ADGRD1: variants seen among roughly 807,000 people sequenced by gnomAD.
The protein encoded by ADGRD1 is adhesion G protein-coupled receptor D1, also known as G-protein coupled receptor 133.
ADGRD1 carries 77 observed loss-of-function variants against 113.4 expected under a neutral mutation model. That is an observed-to-expected ratio of 0.68 (90% CI 0.57 to 0.82). The LOEUF (loss-of-function observed/expected upper bound fraction) is 0.82. ADGRD1 is among the 40% of genes least tolerant of loss of function. The probability of loss-of-function intolerance (pLI) is 0.00; values close to 1 mark genes in which losing one functional copy is unlikely to be tolerated. For missense variants in ADGRD1, 1,036 were observed against 1,139.1 expected (o/e 0.91, Z 1.30); for synonymous variants, 474 against 475.0 (o/e 1.00, Z 0.03).
At chr12:131,018,997 C>T (rs981870185) in intron 13 of ADGRD1, among the ~76,000 whole-genome samples, 43 of 152,218 alleles carry the variant, frequency 2.8e-4, no homozygotes, top group Admixed American at 8.5e-4. Flanking sequence ...ACTCGTAGGC[C>T]TCCGGTTCAG....
chr12:130,980,023 C>T (rs192965217), intron 4 of ADGRD1, among the ~76,000 whole-genome samples: 22 of 152,274 alleles, frequency 1.4e-4, no homozygotes, highest in Non-Finnish European at 1.5e-4. Context: ...GCAGAGAGCC[C>T]GGCCCCCAGA....
At chr12:130,978,895 C>T (rs1872639157) in intron 4 of ADGRD1, 1 of 152,116 alleles carries the variant, frequency 6.6e-6, no homozygotes, top group Non-Finnish European at 1.5e-5. Flanking sequence ...CCTTGTGAAA[C>T]GGGTTGTTTC....
At chr12:131,078,269 T>C (rs1885803163) in intron 14 of ADGRD1, among the ~76,000 whole-genome samples, 1 of 152,202 alleles carries the variant, frequency 6.6e-6, no homozygotes, top group Non-Finnish European at 1.5e-5. Flanking sequence ...GCGAGGAAAG[T>C]GCAGCCCAGC....
intron 13 of ADGRD1, among the ~76,000 whole-genome samples, chr12:131,073,628 G>A (rs1406703564): frequency 2.0e-5 from 3 of 152,178 alleles, no homozygotes; most frequent in South Asian, 4.1e-4. Flanking sequence ...TAGAATATCT[G>A]AGACTGGGTA....
chr12:131,047,345 C>A (rs193041128), intron 13 of ADGRD1, among the ~76,000 whole-genome samples: 1 of 152,192 alleles, frequency 6.6e-6, no homozygotes, highest in East Asian at 1.9e-4. Flanking sequence ...GAGACTGCTC[C>A]GGTGTCCTCC....
intron 14 of ADGRD1, among the ~76,000 whole-genome samples, chr12:131,083,004 C>T (rs376282433): frequency 1.4e-3 from 215 of 152,350 alleles, no homozygotes; most frequent in African/African-American, 4.6e-3. Context: ...GCAGGGTTAC[C>T]GTTGCCCGAG....
chr12:130,985,523 A>T (rs1873545476), intron 5 of ADGRD1, among the ~76,000 whole-genome samples: 1 of 150,852 alleles, frequency 6.6e-6, no homozygotes, highest in Non-Finnish European at 1.5e-5. Context: ...GTCCATTTTG[A>T]ATTAATTTTT....
At chr12:131,000,829 T>C (rs1030851016) in intron 9 of ADGRD1, among the ~76,000 whole-genome samples, 3 of 151,984 alleles carry the variant, frequency 2.0e-5, no homozygotes, top group Admixed American at 6.5e-5. Context: ...CATTTTGTCT[T>C]CCTAGAAGTG....
At chr12:131,028,450 G>A (rs1191403823) in intron 13 of ADGRD1, among the ~76,000 whole-genome samples, 1 of 152,100 alleles carries the variant, frequency 6.6e-6, no homozygotes, top group Admixed American at 6.6e-5. Context: ...CAACGTCAGT[G>A]CAGTCCGGTT....
At chr12:130,974,094 G>A (rs1318353414) in intron 4 of ADGRD1, among the ~76,000 whole-genome samples, 2 of 152,318 alleles carry the variant, frequency 1.3e-5, no homozygotes, top group African/African-American at 4.8e-5. Flanking sequence ...ACCGGGCCAT[G>A]AGCCTGTGCG....
In ADGRD1 at chr12:131,041,175, C is replaced by T. The variant is rs564006492; in HGVS notation, c.1473+26835C>T. ...AGGGACTTCACTGAGCACAGAAAATCGGGGGTCTTGGTGCTGGCCACTGGC... is the reference window on the plus strand; with the variant it reads ...AGGGACTTCACTGAGCACAGAAAATTGGGGGTCTTGGTGCTGGCCACTGGC... On this transcript the variant is annotated intron_variant, in intron 13 of 24. Coordinates refer to ENST00000261654, the MANE Select transcript of ADGRD1 (RefSeq NM_198827.5). The surrounding 1 kb of genome is among the most constrained non-coding windows in gnomAD (Gnocchi z 4.4). 5.9e-5 allele frequency among the ~76,000 whole-genome samples: 9 copies of T among 152,260 alleles called. No homozygotes were observed. In the East Asian group the frequency reaches 7.7e-4, roughly 13 times the overall value.
At chr12:131,001,217 G>A (rs1232598735) in intron 9 of ADGRD1, among the ~76,000 whole-genome samples, 4 of 152,120 alleles carry the variant, frequency 2.6e-5, no homozygotes, top group Non-Finnish European at 5.9e-5. Flanking sequence ...CAGAAAAAAA[G>A]CTTCTCTTGT....
In ADGRD1 at chr12:131,042,788, C is replaced by T. The variant is rs117708539; in HGVS notation, c.1473+28448C>T. On this transcript the variant is annotated intron_variant, in intron 13 of 24. Transcript: ENST00000261654. ...CTCCTGAGCGTGTGGGAGCAGCATT[C>T]GAGCCAGAGTTTGAAATTGATGGCT... Among the ~76,000 whole-genome samples, 11 of 152,350 alleles carry T rather than the reference C, an allele frequency of 7.2e-5. No homozygotes were observed. The East Asian group carries it at 1.7e-3, about 24-fold the overall frequency.
Position 130,984,881 on chromosome 12 carries a change from CCTT to C in ADGRD1, c.491-2210_491-2208del, listed in dbSNP as rs1037103299. ...GCTCCCTTCCTTTCCTTCTTTCCTT[CCTT>C]CTTTCTTCTCTTCTCTCTCTCTCTC... On this transcript the variant is annotated intron_variant, in intron 5 of 24. Coordinates refer to ENST00000261654, the MANE Select transcript of ADGRD1 (RefSeq NM_198827.5). The surrounding 1 kb of genome is among the most constrained non-coding windows in gnomAD (Gnocchi z 4.1). Among the ~76,000 whole-genome samples the C allele has an allele frequency of 6.7e-6, 1 of 148,456 alleles. No individual in the cohort carries two copies. The highest frequency in any genetic ancestry group is 2.5e-5 in the African/African-American group (1 of 40,486).
chr12:131,019,215 C>G (rs567191609), intron 13 of ADGRD1, among the ~76,000 whole-genome samples: 1 of 152,242 alleles, frequency 6.6e-6, no homozygotes, highest in African/African-American at 2.4e-5. Flanking sequence ...CCTCTGGCCA[C>G]TGTCCCACCC....
Position 130,971,811 on chromosome 12 carries a change from G to A in ADGRD1, c.310+231G>A, listed in dbSNP as rs573614977. Reference sequence around the variant, plus strand: ...ATAACATCCTCTTACAGAGATGTGAGATCAAAATACTTAATCTTGTAAAGG... The same window carrying A: ...ATAACATCCTCTTACAGAGATGTGAAATCAAAATACTTAATCTTGTAAAGG... On this transcript the variant is annotated intron_variant, in intron 4 of 24. Transcript: ENST00000261654. This position sits in a 1 kb window ranked among gnomAD's most constrained non-coding sequence, Gnocchi z 4.2. Among the ~76,000 whole-genome samples, 9 of 152,282 alleles carry A rather than the reference G, an allele frequency of 5.9e-5. No homozygotes were observed. The East Asian group carries it at 1.7e-3, about 29-fold the overall frequency.
intron 13 of ADGRD1, among the ~76,000 whole-genome samples, chr12:131,051,818 T>A (rs1883425178): frequency 6.6e-6 from 1 of 152,212 alleles, no homozygotes; most frequent in Non-Finnish European, 1.5e-5. Flanking sequence ...TCTTAGCATT[T>A]CTCTACCAGT....
chr12:131,110,978 A>G (rs1225305798), intron 18 of ADGRD1, among the ~76,000 whole-genome samples: 2 of 152,296 alleles, frequency 1.3e-5, no homozygotes, highest in Non-Finnish European at 2.9e-5. Context: ...TCAAAACTTA[A>G]TCTTACTGGG....
At chr12:130,998,625 T>C (rs1437010543) in intron 8 of ADGRD1, among the ~76,000 whole-genome samples, 1 of 152,064 alleles carries the variant, frequency 6.6e-6, no homozygotes, top group Non-Finnish European at 1.5e-5. Flanking sequence ...CCACTACACC[T>C]GACTAATTTT....
Sources: gnomAD v4.1 joint callset for allele counts (sites outside exome capture counted in the v4.1 genomes callset) on GRCh38, gnomAD v4.1.1 for gene constraint, Gnocchi (gnomAD v3.1) non-coding constraint, MANE v1.5 for transcripts, NCBI Gene and HGNC (gene_info 2026-07-23, HGNC 2026-07-21) for gene names.